PPP3CA: variants seen among roughly 807,000 people sequenced by gnomAD.
PPP3CA encodes the protein CAM-PRP catalytic subunit.
A neutral mutation model predicts 66.5 loss-of-function variants in PPP3CA; 14 were observed. That is an observed-to-expected ratio of 0.21 (90% CI 0.14 to 0.33). The LOEUF is 0.33. Among genes scored for constraint, PPP3CA ranks in the 10% least tolerant of loss-of-function variants. The pLI is 1.00. For missense variants in PPP3CA, 317 were observed against 639.5 expected (o/e 0.50, Z 5.44); for synonymous variants, 232 against 226.2 (o/e 1.03, Z -0.23).
intron 1 of PPP3CA, among the ~76,000 whole-genome samples, chr4:101,240,351 A>G (rs1046988315): frequency 2.6e-5 from 4 of 152,242 alleles, no homozygotes; most frequent in East Asian, 3.9e-4. Flanking sequence ...GCTCTTTGCA[A>G]TGAATAAATT....
chr4:101,026,538 G>T (rs548672867), intron 13 of PPP3CA, among the ~76,000 whole-genome samples: 4 of 152,198 alleles, frequency 2.6e-5, no homozygotes, highest in African/African-American at 9.6e-5. Context: ...TAAAAACCTA[G>T]CAAAGGGCTT....
In PPP3CA at chr4:101,346,877, A is replaced by ACGCCGCCGCCGC. The variant is rs3974660; in HGVS notation, c.-93_-82dup. 2,022 of 1,292,968 alleles carry ACGCCGCCGCCGC rather than the reference A, an allele frequency of 1.6e-3. 31 individuals carry two copies. In the African/African-American group the frequency reaches 0.026, roughly 17 times the overall value. The allele number at this position is 1,292,968 out of a possible 1,614,324, so 80.1% of individuals were successfully genotyped here. Reference sequence around the variant, plus strand: ...ACCGGACCGGCGGGCCAGACACTCAACGCCGCCGCCGCCGCCGCCGCCGCC... The same window carrying ACGCCGCCGCCGC: ...ACCGGACCGGCGGGCCAGACACTCAACGCCGCCGCCGCCGCCGCCGCCGCCGCCGCCGCCGCC... On this transcript the variant is annotated 5_prime_UTR_variant, in exon 1 of 14. Coordinates refer to ENST00000394854, the MANE Select transcript of PPP3CA (RefSeq NM_000944.5).
chr4:101,177,392 T>G (rs577115725), intron 2 of PPP3CA, among the ~76,000 whole-genome samples: 1 of 152,112 alleles, frequency 6.6e-6, no homozygotes, highest in Non-Finnish European at 1.5e-5. Context: ...CAGGAAGACA[T>G]TGTCAGAACT....
chr4:101,147,463 G>T (rs571204433), intron 2 of PPP3CA, among the ~76,000 whole-genome samples: 4 of 152,080 alleles, frequency 2.6e-5, no homozygotes, highest in Admixed American at 2.0e-4. Context: ...ATATCAAAGG[G>T]TACTAACTAA....
intron 6 of PPP3CA, among the ~76,000 whole-genome samples, chr4:101,083,573 C>T (rs74843879): frequency 6.6e-6 from 1 of 152,144 alleles, no homozygotes; most frequent in African/African-American, 2.4e-5. Flanking sequence ...CATTTAAAGA[C>T]AAAGTGAACG....
intron 1 of PPP3CA, among the ~76,000 whole-genome samples, chr4:101,311,652 T>C (rs1046358511): frequency 6.6e-6 from 1 of 152,128 alleles, no homozygotes; most frequent in Non-Finnish European, 1.5e-5. Flanking sequence ...TGGTGGCGTG[T>C]GTCTGTAATC....
chr4:101,177,665 G>A (rs529644363), intron 2 of PPP3CA, among the ~76,000 whole-genome samples: 1 of 152,056 alleles, frequency 6.6e-6, no homozygotes, highest in South Asian at 2.1e-4. Flanking sequence ...ATCAAACAAA[G>A]TAAGAAAAGG....
intron 6 of PPP3CA, among the ~76,000 whole-genome samples, chr4:101,091,955 T>G (rs1729971734): frequency 6.6e-6 from 1 of 151,804 alleles, no homozygotes; most frequent in Non-Finnish European, 1.5e-5. Context: ...ATAACCTCTT[T>G]TCTCTTTCAC....
chr4:101,042,024 A>G lies in PPP3CA; in HGVS notation c.1157-1458T>C, dbSNP rs541471388. Among the ~76,000 whole-genome samples, 7 of 152,286 alleles carry G rather than the reference A, an allele frequency of 4.6e-5. No homozygotes were observed. The East Asian group carries it at 1.3e-3, about 29-fold the overall frequency. ...CTTTCACAGAAGGGTTTTGAAAAAAAGATTTCTACTGTTTCCCTTAGAGGG... is the reference window on the plus strand; with the variant it reads ...CTTTCACAGAAGGGTTTTGAAAAAAGGATTTCTACTGTTTCCCTTAGAGGG... On this transcript the variant is annotated intron_variant, in intron 10 of 13. Coordinates refer to ENST00000394854, the MANE Select transcript of PPP3CA (RefSeq NM_000944.5).
chr4:101,330,696 TA>T (rs1428583263), intron 1 of PPP3CA, among the ~76,000 whole-genome samples: 1 of 152,068 alleles, frequency 6.6e-6, no homozygotes, highest in Admixed American at 6.6e-5. Flanking sequence ...TATGCCTGTA[TA>T]AAGCCACAAT....
intron 6 of PPP3CA, among the ~76,000 whole-genome samples, chr4:101,089,260 A>C (rs1484998959): frequency 6.6e-6 from 1 of 152,168 alleles, no homozygotes; most frequent in Non-Finnish European, 1.5e-5. Flanking sequence ...AAGACAAAAA[A>C]AAAGAGGCAT....
chr4:101,309,447 T>G (rs1036738863), intron 1 of PPP3CA, among the ~76,000 whole-genome samples: 10 of 151,946 alleles, frequency 6.6e-5, no homozygotes, highest in African/African-American at 2.4e-4. Context: ...GATGTAGGTT[T>G]CATATAAACA....
At chr4:101,230,033 T>G (rs947310566) in intron 1 of PPP3CA, among the ~76,000 whole-genome samples, 1 of 151,656 alleles carries the variant, frequency 6.6e-6, no homozygotes, top group Non-Finnish European at 1.5e-5. Flanking sequence ...ATACAGTTCC[T>G]TCTTTATTAA....
intron 6 of PPP3CA, among the ~76,000 whole-genome samples, chr4:101,084,733 A>G (rs1326713414): frequency 6.6e-6 from 1 of 152,196 alleles, no homozygotes; most frequent in African/African-American, 2.4e-5. Flanking sequence ...TCTGAAACTG[A>G]AAACAGTCTC....
chr4:101,317,355 T>C (rs888141581), intron 1 of PPP3CA, among the ~76,000 whole-genome samples: 1 of 152,018 alleles, frequency 6.6e-6, no homozygotes, highest in African/African-American at 2.4e-5. Context: ...AATCTATTCA[T>C]ATAATCAAGA....
At chr4:101,129,572 T>C (rs957385985) in intron 2 of PPP3CA, among the ~76,000 whole-genome samples, 1 of 152,220 alleles carries the variant, frequency 6.6e-6, no homozygotes, top group Non-Finnish European at 1.5e-5. Context: ...TCTGTTGTTC[T>C]GCAGCCTCTG....
chr4:101,050,191 T>C (rs1727948153), intron 10 of PPP3CA, among the ~76,000 whole-genome samples: 1 of 151,998 alleles, frequency 6.6e-6, no homozygotes, highest in African/African-American at 2.4e-5. Flanking sequence ...TAGTTGAAAA[T>C]GTGTTGGTTT....
intron 2 of PPP3CA, among the ~76,000 whole-genome samples, chr4:101,153,177 TTA>T (rs1423091476): frequency 6.6e-6 from 1 of 152,148 alleles, no homozygotes; most frequent in Admixed American, 6.5e-5. Context: ...AGAGATGCTA[TTA>T]AAGGGTTTTG....
chr4:101,338,726 A>G (rs545976180), intron 1 of PPP3CA, among the ~76,000 whole-genome samples: 1 of 152,340 alleles, frequency 6.6e-6, no homozygotes, highest in Admixed American at 6.5e-5. Context: ...GCTCGAAAGA[A>G]GAGAACTGAA....
Sources: allele counts gnomAD v4.1 joint callset (sites outside exome capture counted in the v4.1 genomes callset), GRCh38; gene constraint gnomAD v4.1.1; transcripts MANE v1.5; gene names NCBI Gene and HGNC (gene_info 2026-07-23, HGNC 2026-07-21).